The following ANXA11 variants were observed in gnomAD, a reference collection of about 807,000 sequenced individuals.
The protein encoded by ANXA11 is 56 kDa autoantigen.
Under a neutral mutation model 64.7 loss-of-function variants are expected in ANXA11, and 57 were observed. That is an observed-to-expected ratio of 0.88 (90% CI 0.71 to 1.10). The LOEUF is 1.10. Among genes scored for constraint, ANXA11 ranks in the 50% least tolerant of loss-of-function variants. ANXA11 has a pLI of 0.00. For synonymous variants in ANXA11, 260 were observed against 265.2 expected, an observed-to-expected ratio of 0.98 and a Z score of 0.19; for missense variants, 675 against 670.7, an observed-to-expected ratio of 1.01 and a Z score of -0.07.
chr10:80,201,899 T>C (rs1840441378), intron 1 of ANXA11, among the ~76,000 whole-genome samples: 1 of 152,024 alleles, frequency 6.6e-6, no homozygotes, highest in Non-Finnish European at 1.5e-5. Context: ...CCATCTCATG[T>C]CCTCCAAGTC....
chr10:80,177,509 C>T (rs549861285), intron 1 of ANXA11, among the ~76,000 whole-genome samples: 1 of 152,284 alleles, frequency 6.6e-6, no homozygotes, highest in East Asian at 1.9e-4. Context: ...TGCTCAACAT[C>T]AAACATCTTC....
chr10:80,169,468 G>GA, intron 4 of ANXA11, 110 bp from the exon 5 acceptor site: 1 of 1,278,576 alleles, frequency 7.8e-7, no homozygotes, highest in Non-Finnish European at 1.1e-6. Context: ...TCCGCTTGTG[G>GA]AATATGAAGT....
chr10:80,159,267 A>G (rs988313968), intron 12 of ANXA11, 72 bp from the exon 13 acceptor site: 2 of 1,173,764 alleles, frequency 1.7e-6, no homozygotes, highest in African/African-American at 3.0e-5. Flanking sequence ...GGAAGTCCCA[A>G]CTCCCAGGAC....
Position 80,169,078 on chromosome 10 carries a change from G to A in ANXA11, c.452C>T (p.Thr151Ile). 6.5e-7 allele frequency: 1 copy of A among 1,535,864 alleles called. No homozygotes were observed. The highest frequency in any genetic ancestry group is 8.7e-7 in the Non-Finnish European group (1 of 1,147,258). The change falls in exon 5 of 16, where the codon ACC becomes ATC. Residue 151 changes from threonine to isoleucine, a missense_variant. Transcript: ENST00000422982. Reference protein sequence around the residue: ...PGAYPGQPPVTYPGQPPVPLP... With the variant: ...PGAYPGQPPVIYPGQPPVPLP... ...TGGCACTGGAGGCTGACCAGGGTAG[G>A]TCACTGGTGGCTGCCCAGGGTAGGC... is the stretch of plus-strand genomic sequence containing the variant.
At chr10:80,204,592 C>T (rs1463582906) in intron 1 of ANXA11, among the ~76,000 whole-genome samples, 1 of 152,228 alleles carries the variant, frequency 6.6e-6, no homozygotes, top group Non-Finnish European at 1.5e-5. Context: ...TGGGCTAGCA[C>T]TGGCTGGCTT....
intron 15 of ANXA11, chr10:80,156,976 C>T: frequency 2.0e-6 from 2 of 985,396 alleles, no homozygotes; most frequent in Non-Finnish European, 2.4e-6. Context: ...GAGCGTTAGA[C>T]CACACAGCTG....
chr10:80,156,047 C>G (rs971856563), intron 15 of ANXA11, 135 bp from the exon 16 acceptor site: 36 of 838,724 alleles, frequency 4.3e-5, no homozygotes, highest in Non-Finnish European at 4.7e-5. Flanking sequence ...CACTGCAGGT[C>G]CTGCAGCAGG....
In ANXA11 at chr10:80,159,307, A is replaced by G. The variant is rs80095636; in HGVS notation, c.1181-112T>C. 1.0e-3 allele frequency: 858 copies of G among 823,766 alleles called. 19 individuals are homozygous for G. In the East Asian group the frequency reaches 0.02, roughly 20 times the overall value. The allele number at this position is 823,766 out of a possible 1,614,324, so 51.0% of individuals were successfully genotyped here. A position where few individuals can be genotyped will look rare whatever the true frequency, so the allele number is the denominator to read the frequency against. ...GAATATAACCGTGTTTGGAGATAAG[A>G]TCTTTAAAGAGGTAATTAAGTTAAA... On this transcript the variant is annotated intron_variant, in intron 12 of 15. Coordinates refer to ENST00000422982, the MANE Select transcript of ANXA11 (RefSeq NM_145868.2).
chr10:80,155,579 G>C lies in ANXA11; in HGVS notation c.*274C>G, dbSNP rs913483933. 2.1e-6 allele frequency: 1 copy of C among 469,636 alleles called. No homozygotes were observed. Among genetic ancestry groups the C allele is most frequent in the Non-Finnish European group, 3.8e-6 (1 of 265,714 alleles). 29.1% of individuals were successfully genotyped at this position (469,636 alleles called of 1,614,324 possible). On this transcript the variant is annotated 3_prime_UTR_variant, in exon 16 of 16. Transcript: ENST00000422982. ...AAGCCAAGTCTTAGCCACAGGCAAA[G>C]GGGAATGATTGCATGAGTCAGAAAA...
rs1737503650 is a variant in ANXA11, at chr10:80,154,258, T to TG, written c.*1594dup. On this transcript the variant is annotated 3_prime_UTR_variant, in exon 16 of 16. Transcript: ENST00000422982. ...CTGGGATTACAGGAATGTGCCACCA[T>TG]GCCTGGCTAATTTTTGTATTTTTAG... 1 of 152,096 alleles carries TG rather than the reference T, an allele frequency of 6.6e-6. No homozygotes were observed. The highest frequency in any genetic ancestry group is 1.5e-5 in the Non-Finnish European group (1 of 68,056). The allele number at this position is 152,096 out of a possible 1,614,324, so 9.4% of individuals were successfully genotyped here.
intron 11 of ANXA11, 102 bp downstream of exon 11, chr10:80,163,247 T>C: frequency 7.6e-7 from 1 of 1,320,544 alleles, no homozygotes; most frequent in East Asian, 2.4e-5. Flanking sequence ...AACCCACTGC[T>C]TATCTATTGT....
At chr10:80,165,428 AG>A (rs1022454676) in intron 8 of ANXA11, among the ~76,000 whole-genome samples, 4 of 152,142 alleles carry the variant, frequency 2.6e-5, no homozygotes, top group Non-Finnish European at 4.4e-5. Flanking sequence ...GCAGGACTGG[AG>A]GGAACAGTGA....
At chr10:80,197,591 G>C (rs1181027685) in intron 1 of ANXA11, among the ~76,000 whole-genome samples, 2 of 152,086 alleles carry the variant, frequency 1.3e-5, no homozygotes, top group Non-Finnish European at 2.9e-5. Context: ...TGTCATATTT[G>C]GGGTTGAAGA....
At chr10:80,202,012 A>T (rs779509792) in intron 1 of ANXA11, among the ~76,000 whole-genome samples, 1 of 152,110 alleles carries the variant, frequency 6.6e-6, no homozygotes, top group Non-Finnish European at 1.5e-5. Context: ...AAAGCTAGAG[A>T]TCCCAGAACC....
rs998436486 is a variant in ANXA11 at position 80,159,251 on chromosome 10, A to G, written c.1181-56T>C. On this transcript the variant is annotated intron_variant, in intron 12 of 15. Transcript: ENST00000422982. Reference sequence around the variant, plus strand: ...ACTGAAATGTGTCTCCCCAAAGTTCATATGTGGAAGTCCCAACTCCCAGGA... The same window carrying G: ...ACTGAAATGTGTCTCCCCAAAGTTCGTATGTGGAAGTCCCAACTCCCAGGA... 5 of 1,445,754 alleles carry G rather than the reference A, an allele frequency of 3.5e-6. No homozygotes were observed. In the African/African-American group the frequency reaches 4.2e-5, roughly 12 times the overall value. 89.6% of individuals were successfully genotyped at this position (1,445,754 alleles called of 1,614,324 possible).
At chr10:80,177,190 T>C (rs760315000) in intron 1 of ANXA11, among the ~76,000 whole-genome samples, 2 of 152,108 alleles carry the variant, frequency 1.3e-5, no homozygotes, top group African/African-American at 2.4e-5. Flanking sequence ...AGTTTCACTA[T>C]GTTGGCCAGG....
In ANXA11 at chr10:80,169,108, G is replaced by T. The variant is rs1210543643; in HGVS notation, c.422C>A (p.Pro141Gln). ...QPMPPPGQQP[P>Q]GAYPGQPPVT... is the part of the protein sequence containing the mutation. The stretch of plus-strand genomic sequence containing the variant: ...TGGTGGCTGCCCAGGGTAGGCCCCT[G>T]GGGGCTGCTGTCCGGGGGGTGGCAT... The change falls in exon 5 of 16, where the codon CCA becomes CAA. Residue 141 changes from proline to glutamine, a missense_variant. Coordinates refer to ENST00000422982, the MANE Select transcript of ANXA11 (RefSeq NM_145868.2). 1.3e-6 allele frequency: 2 copies of T among 1,538,130 alleles called. No individual in the cohort carries two copies. Among genetic ancestry groups the T allele is most frequent in the African/African-American group, 2.8e-5 (2 of 72,128 alleles).
intron 1 of ANXA11, among the ~76,000 whole-genome samples, chr10:80,202,584 A>G (rs1840479043): frequency 6.6e-6 from 1 of 152,112 alleles, no homozygotes; most frequent in Non-Finnish European, 1.5e-5. Flanking sequence ...CAAAATTCCT[A>G]CTATTCTGGG....
At position 80,173,814 on chromosome 10, in the gene ANXA11, TTA is replaced by T. The variant is rs1383251463; in HGVS notation, c.-8-947_-8-946del. Among the ~76,000 whole-genome samples the T allele has an allele frequency of 3.9e-5, 6 of 152,328 alleles. No homozygotes were observed. In the East Asian group the frequency reaches 1.2e-3, roughly 29 times the overall value. On this transcript the variant is annotated intron_variant, in intron 2 of 15. Transcript: ENST00000422982. ...CTCGTCTCGAGTATGTGGCTTCTTT[TTA>T]CACACTGGGTTTCACGCTGCAATGC...
Sources: gnomAD v4.1 joint callset for allele counts (sites outside exome capture counted in the v4.1 genomes callset) on GRCh38, gnomAD v4.1.1 for gene constraint, MANE v1.5 for transcripts, NCBI Gene and HGNC (gene_info 2026-07-23, HGNC 2026-07-21) for gene names.